Variants in PRR29 observed in about 807,000 individuals in gnomAD.
The protein encoded by PRR29 is proline rich 29, also known as proline-rich protein 29.
A neutral mutation model predicts 25.1 loss-of-function variants in PRR29; 20 were observed. The ratio of observed to expected loss-of-function variants is 0.80; its 90% CI spans 0.56 to 1.16. The LOEUF (loss-of-function observed/expected upper bound fraction) is 1.16, where lower values mean the gene tolerates loss of function less well. PRR29 is among the 50% of genes most tolerant of loss of function. The probability of loss-of-function intolerance (pLI) is 0.00; values close to 1 mark genes in which losing one functional copy is unlikely to be tolerated. For synonymous variants in PRR29, 108 were observed against 102.6 expected (o/e 1.05, Z -0.32); for missense variants, 238 against 246.6 (o/e 0.97, Z 0.23).
chr17:64,002,728 G>A lies in PRR29; in HGVS notation c.*967G>A. 12 of 1,605,396 alleles carry A rather than the reference G, an allele frequency of 7.5e-6. No individual in the cohort carries two copies. Among genetic ancestry groups the A allele is most frequent in the Non-Finnish European group, 1.0e-5 (12 of 1,176,720 alleles). On this transcript the variant is annotated 3_prime_UTR_variant, in exon 6 of 6. Coordinates refer to ENST00000412177, the MANE Select transcript of PRR29 (RefSeq NM_001164257.2). ...AGTTCCAGTGACCACCGTGGTGGTG[G>A]CCATGCCACTCATGGTTGCTATGGC...
chr17:63,998,699 A>G lies in PRR29; in HGVS notation c.61-8A>G, dbSNP rs1299747240. 4 of 1,464,640 alleles carry G rather than the reference A, an allele frequency of 2.7e-6. No individual in the cohort carries two copies. In the African/African-American group the frequency reaches 4.6e-5, roughly 17 times the overall value. 90.7% of individuals were successfully genotyped at this position (1,464,640 alleles called of 1,614,324 possible). A position where few individuals can be genotyped will look rare whatever the true frequency, so the allele number is the denominator to read the frequency against. The stretch of plus-strand genomic sequence containing the variant: ...ACCCCACCTGGCTGACTCCGCGCAC[A>G]CCCCCAGCCCTGGGTCACCTTCCTG... On this transcript the variant is annotated splice_polypyrimidine_tract_variant and splice_region_variant and intron_variant, in intron 1 of 5. Coordinates refer to ENST00000412177, the MANE Select transcript of PRR29 (RefSeq NM_001164257.2).
At position 64,004,065 on chromosome 17, in the gene PRR29, T is replaced by C. The variant is rs992102978; in HGVS notation, c.*2304T>C. 10 of 941,284 alleles carry C rather than the reference T, an allele frequency of 1.1e-5. No individual in the cohort carries two copies. Among genetic ancestry groups the C allele is most frequent in the African/African-American group, 8.3e-5 (5 of 60,590 alleles). 58.3% of individuals were successfully genotyped at this position (941,284 alleles called of 1,614,324 possible). On this transcript the variant is annotated 3_prime_UTR_variant, in exon 6 of 6. Transcript: ENST00000412177. The stretch of plus-strand genomic sequence containing the variant: ...CTCCTGTCACCATGGTGTTCCACGG[T>C]TGGGGAGGAGGTGGCCTGGCCGGCT...
At position 64,002,289 on chromosome 17, in the gene PRR29, A is replaced by G; in HGVS notation, c.*528A>G. 2.1e-6 allele frequency: 1 copy of G among 487,660 alleles called. No homozygotes were observed. The highest frequency in any genetic ancestry group is 1.9e-5 in the African/African-American group (1 of 51,798). The allele number at this position is 487,660 out of a possible 1,614,324, so 30.2% of individuals were successfully genotyped here. ...CGCTGGGCCCCCCACCCCTCATCCC[A>G]GGAAGCAGCTCTGTTGGCAGAAAGG... On this transcript the variant is annotated 3_prime_UTR_variant, in exon 6 of 6. Transcript: ENST00000412177.
chr17:64,000,280 C>T (rs1910549305), intron 3 of PRR29, among the ~76,000 whole-genome samples: 2 of 152,144 alleles, frequency 1.3e-5, no homozygotes, highest in East Asian at 1.9e-4. Context: ...ATTTGTTGTC[C>T]GCATGTAGTA....
At position 64,003,188 on chromosome 17, in the gene PRR29, T is replaced by C. The variant is rs1910924312; in HGVS notation, c.*1427T>C. 1 of 504,748 alleles carries C rather than the reference T, an allele frequency of 2.0e-6. No homozygotes were observed. Among genetic ancestry groups the C allele is most frequent in the Non-Finnish European group, 3.6e-6 (1 of 279,340 alleles). 31.3% of individuals were successfully genotyped at this position (504,748 alleles called of 1,614,324 possible). Reference sequence around the variant, plus strand: ...GCAGATGTCCCCTTGTCAGCAGCCATGGGACCAGTGTGTAGCTGCTGGACA... The same window carrying C: ...GCAGATGTCCCCTTGTCAGCAGCCACGGGACCAGTGTGTAGCTGCTGGACA... On this transcript the variant is annotated 3_prime_UTR_variant, in exon 6 of 6. Transcript: ENST00000412177.
Position 64,001,281 on chromosome 17 carries a change from G to C in PRR29, c.441G>C (p.Gln147His). The change falls in exon 4 of 6, where the codon CAG becomes CAC. Residue 147 changes from glutamine (Q) to histidine (H), a missense_variant. Coordinates refer to ENST00000412177, the MANE Select transcript of PRR29 (RefSeq NM_001164257.2). ...ACTTGCAGGACGTGCCCAGGATTCA[G>C]CACTGTCCTGCCTCCAGGGAAAGGG... The part of the protein sequence containing the change: ...QPYLQDVPRI[Q>H]HCPASREREV... 1 of 1,537,202 alleles carries C rather than the reference G, an allele frequency of 6.5e-7. No individual in the cohort carries two copies. The highest frequency in any genetic ancestry group is 8.7e-7 in the Non-Finnish European group (1 of 1,146,878).
Position 64,001,636 on chromosome 17 carries a change from C to A in PRR29, c.542-97C>A, listed in dbSNP as rs140429181. On this transcript the variant is annotated intron_variant, in intron 5 of 5. Coordinates refer to ENST00000412177, the MANE Select transcript of PRR29 (RefSeq NM_001164257.2). ...CTGGTGGGGTTTGGGGGTTTCCTAA[C>A]ATCACTGCTGCAGGCAACTGGCCTG... is the stretch of plus-strand genomic sequence containing the variant. 1,045 of 1,502,592 alleles carry A rather than the reference C, an allele frequency of 7.0e-4. 2 individuals carry two copies. The highest frequency in any genetic ancestry group is 4.0e-3 in the Middle Eastern group (23 of 5,784). 93.1% of individuals were successfully genotyped at this position (1,502,592 alleles called of 1,614,324 possible).
Position 63,998,420 on chromosome 17 carries a change from C to A in PRR29, c.56C>A (p.Pro19Gln). 6.7e-7 allele frequency: 1 copy of A among 1,493,768 alleles called. No individual in the cohort carries two copies. The highest frequency in any genetic ancestry group is 8.9e-7 in the Non-Finnish European group (1 of 1,125,098). The allele number at this position is 1,493,768 out of a possible 1,614,324, so 92.5% of individuals were successfully genotyped here. ...WGRSPPQSAV[P>Q]TPWVTFLQPL... ...CGCTCCCCACCGCAGAGCGCAGTCCCGACGGTGAGGGCTGAGCCCGGGAGC... is the reference window on the plus strand; with the variant it reads ...CGCTCCCCACCGCAGAGCGCAGTCCAGACGGTGAGGGCTGAGCCCGGGAGC... The change falls in exon 1 of 6, where the codon CCG (proline) becomes CAG (glutamine). Residue 19 changes from proline to glutamine, a missense_variant. Coordinates refer to ENST00000412177, the MANE Select transcript of PRR29 (RefSeq NM_001164257.2).
In PRR29 at chr17:64,002,784, G is replaced by T. The variant is rs199862202; in HGVS notation, c.*1023G>T. 2.5e-6 allele frequency: 4 copies of T among 1,613,112 alleles called. No individual in the cohort carries two copies. Among genetic ancestry groups the T allele is most frequent in the African/African-American group, 1.3e-5 (1 of 74,924 alleles). On this transcript the variant is annotated 3_prime_UTR_variant, in exon 6 of 6. Coordinates refer to ENST00000412177, the MANE Select transcript of PRR29 (RefSeq NM_001164257.2). ...GGCCTGGGGCAGCCTCCTCCAAGCC[G>T]CTCGCACCCCGTAGGTGCCCATCCG...
chr17:63,999,782 T>C (rs1215209321), intron 3 of PRR29: 2 of 97,214 alleles, frequency 2.1e-5, no homozygotes, highest in African/African-American at 5.7e-5. Flanking sequence ...TACATGCATA[T>C]GTGTGTGCAA....
chr17:64,001,558 A>G, intron 5 of PRR29, 21 bp downstream of exon 5: 1 of 1,511,024 alleles, frequency 6.6e-7, no homozygotes, highest in Non-Finnish European at 8.8e-7. Flanking sequence ...GGTGGTGGGC[A>G]GCGGGGCCCA....
chr17:64,002,708 C>T lies in PRR29; in HGVS notation c.*947C>T. 3.2e-6 allele frequency: 5 copies of T among 1,584,304 alleles called. No homozygotes were observed. Among genetic ancestry groups the T allele is most frequent in the Non-Finnish European group, 4.3e-6 (5 of 1,162,376 alleles). On this transcript the variant is annotated 3_prime_UTR_variant, in exon 6 of 6. Transcript: ENST00000412177. ...AACCCTGAGGAGTCACACTGAGTTC[C>T]AGTGACCACCGTGGTGGTGGCCATG...
chr17:64,002,070 G>A lies in PRR29; in HGVS notation c.*309G>A. On this transcript the variant is annotated 3_prime_UTR_variant, in exon 6 of 6. Transcript: ENST00000412177. Reference sequence around the variant, plus strand: ...TGGAGCAGGGGGAGGCCTGGGAACAGAGCCCCCACCCTCTCTCCCTCACCC... The same window carrying A: ...TGGAGCAGGGGGAGGCCTGGGAACAAAGCCCCCACCCTCTCTCCCTCACCC... 1 of 1,372,938 alleles carries A rather than the reference G, an allele frequency of 7.3e-7. No individual in the cohort carries two copies. The highest frequency in any genetic ancestry group is 1.3e-5 in the South Asian group (1 of 74,376). The allele number at this position is 1,372,938 out of a possible 1,614,324, so 85.0% of individuals were successfully genotyped here. A position where few individuals can be genotyped will look rare whatever the true frequency, so the allele number is the denominator to read the frequency against.
chr17:63,999,201 G>A (rs1251958103), intron 3 of PRR29, 127 bp downstream of exon 3: 6 of 732,808 alleles, frequency 8.2e-6, no homozygotes, highest in Non-Finnish European at 1.4e-5. Context: ...CGTCTCTCTG[G>A]CTGGGGCTGT....
In PRR29 at chr17:64,002,787, C is replaced by T. The variant is rs1309730084; in HGVS notation, c.*1026C>T. 15 of 1,613,264 alleles carry T rather than the reference C, an allele frequency of 9.3e-6. No individual in the cohort carries two copies. Among genetic ancestry groups the T allele is most frequent in the South Asian group, 5.5e-5 (5 of 91,060 alleles). On this transcript the variant is annotated 3_prime_UTR_variant, in exon 6 of 6. Coordinates refer to ENST00000412177, the MANE Select transcript of PRR29 (RefSeq NM_001164257.2). ...CTGGGGCAGCCTCCTCCAAGCCGCT[C>T]GCACCCCGTAGGTGCCCATCCGCTG...
chr17:64,002,861 GA>G lies in PRR29; in HGVS notation c.*1102del. The G allele has an allele frequency of 6.2e-7, 1 of 1,613,954 alleles. No homozygotes were observed. Among genetic ancestry groups the G allele is most frequent in the Non-Finnish European group, 8.5e-7 (1 of 1,179,952 alleles). On this transcript the variant is annotated 3_prime_UTR_variant, in exon 6 of 6. Coordinates refer to ENST00000412177, the MANE Select transcript of PRR29 (RefSeq NM_001164257.2). ...TGAAGCAGAGCAGGACAGATGTCAC[GA>G]ACAGGGACAGCAACACCGACACCAC...
chr17:64,001,739 A>G lies in PRR29; in HGVS notation c.548A>G (p.Tyr183Cys), dbSNP rs867789425. The G allele has an allele frequency of 1.3e-6, 2 of 1,536,850 alleles. No individual in the cohort carries two copies. The highest frequency in any genetic ancestry group is 2.7e-5 in the African/African-American group (2 of 73,026). The change falls in exon 6 of 6, where the codon TAT (tyrosine) becomes TGT (cysteine). Residue 183 changes from tyrosine (Y) to cysteine (C), a missense_variant. Physicochemically the swap from Tyr to Cys is radical, Grantham distance 194. Transcript: ENST00000412177. ...GAGGTTCTTGTTTCCCCAGACTACT[A>G]TGATGCCGAGAGCCTCCTATGAGGA... ...GADVPPASDY[Y>C]DAESLL is the part of the protein sequence containing the mutation.
In PRR29 at chr17:63,998,797, T is replaced by TGGGCCCCCC; in HGVS notation, c.136+15_136+16insGGGCCCCCC. The stretch of plus-strand genomic sequence containing the variant: ...CGTGAAGGAAGGTGAGACTCCCGGG[T>TGGGCCCCCC]CCCCCCACCCCACCCCCACCATCAC... On this transcript the variant is annotated intron_variant, in intron 2 of 5. Transcript: ENST00000412177. The TGGGCCCCCC allele has an allele frequency of 3.8e-6, 4 of 1,062,606 alleles. No homozygotes were observed. Among genetic ancestry groups the TGGGCCCCCC allele is most frequent in the Non-Finnish European group, 3.9e-6 (3 of 761,704 alleles). 65.8% of individuals were successfully genotyped at this position (1,062,606 alleles called of 1,614,324 possible). A position where few individuals can be genotyped will look rare whatever the true frequency, so the allele number is the denominator to read the frequency against.
Position 63,999,090 on chromosome 17 carries a change from C to T in PRR29, c.243+16C>T. ...CTGCCCTCAGGTGCGTGTGGGTGGG[C>T]CGCCGGGGTCGCTCACCTGTGGGTC... On this transcript the variant is annotated intron_variant, in intron 3 of 5. Coordinates refer to ENST00000412177, the MANE Select transcript of PRR29 (RefSeq NM_001164257.2). The T allele has an allele frequency of 8.5e-6, 13 of 1,529,422 alleles. No homozygotes were observed. The highest frequency in any genetic ancestry group is 2.5e-5 in the East Asian group (1 of 40,800). 94.7% of individuals were successfully genotyped at this position (1,529,422 alleles called of 1,614,324 possible).
Sources: gnomAD v4.1 joint callset for allele counts (sites outside exome capture counted in the v4.1 genomes callset) on GRCh38, gnomAD v4.1.1 for gene constraint, MANE v1.5 for transcripts, NCBI Gene and HGNC (gene_info 2026-07-23, HGNC 2026-07-21) for gene names.